Variants in BCKDHB observed in about 807,000 individuals in gnomAD.
BCKDHB encodes branched chain keto acid dehydrogenase E1 subunit beta.
BCKDHB carries 41 observed loss-of-function variants against 48.5 expected under a neutral mutation model. The ratio of observed to expected loss-of-function variants is 0.85; its 90% CI spans 0.66 to 1.10. The LOEUF (loss-of-function observed/expected upper bound fraction) is 1.10. Ranked by LOEUF, BCKDHB falls within the 50% of genes least tolerant of loss-of-function variation. BCKDHB has a pLI of 0.00. For synonymous variants in BCKDHB, 201 were observed against 174.8 expected (o/e 1.15, Z -1.18); for missense variants, 496 against 494.2 (o/e 1.00, Z -0.03).
chr6:80,130,928 T>C (rs2127729882), intron 3 of BCKDHB, among the ~76,000 whole-genome samples: 1 of 152,298 alleles, frequency 6.6e-6, no homozygotes, highest in East Asian at 1.9e-4. Context: ...CCTGACTCAG[T>C]GTAGTAGCAT....
chr6:80,323,036 A>AT (rs1399122316), intron 9 of BCKDHB, among the ~76,000 whole-genome samples: 1 of 152,022 alleles, frequency 6.6e-6, no homozygotes, highest in Non-Finnish European at 1.5e-5. Flanking sequence ...GACAGAGCTG[A>AT]TTTCAGATAC....
intron 8 of BCKDHB, 121 bp downstream of exon 8, chr6:80,203,333 C>G: frequency 1.3e-6 from 1 of 756,984 alleles, no homozygotes; most frequent in Non-Finnish European, 2.3e-6. Context: ...TGATTTAAAA[C>G]TTTTAAATTT....
In BCKDHB at chr6:80,288,778, A is replaced by AT. The variant is rs928301209; in HGVS notation, c.1038+15566dup. Among the ~76,000 whole-genome samples the AT allele has an allele frequency of 7.6e-4, 116 of 151,862 alleles. 2 individuals carry two copies. The highest frequency in any genetic ancestry group is 2.6e-3 in the African/African-American group (107 of 41,408). On this transcript the variant is annotated intron_variant, in intron 9 of 9. Transcript: ENST00000320393. ...ATAAATATATACCATATATATGTGT[A>AT]TTTTTTTTTCTTAAATACTGTGAAA...
chr6:80,161,535 C>T (rs541980318), intron 3 of BCKDHB, among the ~76,000 whole-genome samples: 6 of 152,126 alleles, frequency 3.9e-5, no homozygotes, highest in African/African-American at 1.4e-4. Context: ...GTCAGTGTGC[C>T]GGGTAAGTAA....
At chr6:80,187,594 A>G (rs149277333) in intron 6 of BCKDHB, among the ~76,000 whole-genome samples, 70 of 152,276 alleles carry the variant, frequency 4.6e-4, no homozygotes, top group African/African-American at 1.5e-3. Flanking sequence ...ACAAAGGTCT[A>G]ATATACAGAA....
chr6:80,192,523 A>G (rs1398812743), intron 6 of BCKDHB, among the ~76,000 whole-genome samples: 3 of 152,224 alleles, frequency 2.0e-5, no homozygotes, highest in African/African-American at 7.2e-5. Flanking sequence ...AACTGGTGAT[A>G]GGAGAACTTT....
At chr6:80,351,994 T>G in the BCKDHB span, among the ~76,000 whole-genome samples, 1 of 152,052 alleles carries the variant, frequency 6.6e-6, no homozygotes, top group Non-Finnish European at 1.5e-5. Flanking sequence ...ACTAATTTTG[T>G]ATTTTTAGTA....
chr6:80,450,331 C>CT, the BCKDHB span, among the ~76,000 whole-genome samples: 1 of 152,194 alleles, frequency 6.6e-6, no homozygotes, highest in South Asian at 2.1e-4. Flanking sequence ...CTTTTCTTTA[C>CT]TTTTTTTCTT....
At chr6:80,283,560 G>A (rs1181820119) in intron 9 of BCKDHB, among the ~76,000 whole-genome samples, 1 of 151,874 alleles carries the variant, frequency 6.6e-6, no homozygotes, top group Non-Finnish European at 1.5e-5. Context: ...TAGACTGAAT[G>A]GACTATTAAT....
the BCKDHB span, among the ~76,000 whole-genome samples, chr6:80,462,681 A>G: frequency 1.3e-5 from 2 of 152,194 alleles, no homozygotes; most frequent in African/African-American, 2.4e-5. Flanking sequence ...TAATCTCTGA[A>G]GCCAGGGAAA....
rs894052553 is a variant in BCKDHB at position 80,147,689 on chromosome 6, G to C, written c.343+18460G>C. Among the ~76,000 whole-genome samples, 4 of 152,114 alleles carry C rather than the reference G, an allele frequency of 2.6e-5. No individual in the cohort carries two copies. The South Asian group carries it at 6.2e-4, about 24-fold the overall frequency. ...CCCCTGGAATGCTTCTTAGATCATA[G>C]AATGCTGGATTTCACCCTCAAGATT... On this transcript the variant is annotated intron_variant, in intron 3 of 9. Coordinates refer to ENST00000320393, the MANE Select transcript of BCKDHB (RefSeq NM_183050.4).
At position 80,221,662 on chromosome 6, in the gene BCKDHB, A is replaced by G. The variant is rs1006981455; in HGVS notation, c.951+18450A>G. Among the ~76,000 whole-genome samples, 4 of 152,124 alleles carry G rather than the reference A, an allele frequency of 2.6e-5. No individual in the cohort carries two copies. In the East Asian group the frequency reaches 7.7e-4, roughly 29 times the overall value. On this transcript the variant is annotated intron_variant, in intron 8 of 9. Coordinates refer to ENST00000320393, the MANE Select transcript of BCKDHB (RefSeq NM_183050.4). The stretch of plus-strand genomic sequence containing the variant: ...GTCTAGAACGACTGAATGATGATGA[A>G]TGAAAAAAATGATAGCAGACATTAA...
the BCKDHB span, among the ~76,000 whole-genome samples, chr6:80,361,860 T>A: frequency 6.6e-6 from 1 of 152,006 alleles, no homozygotes; most frequent in Non-Finnish European, 1.5e-5. Flanking sequence ...GAAATGAGAA[T>A]AGGAGAGGAG....
chr6:80,331,365 A>G (rs183281104), intron 9 of BCKDHB, among the ~76,000 whole-genome samples: 9 of 152,352 alleles, frequency 5.9e-5, no homozygotes, highest in African/African-American at 2.2e-4. Flanking sequence ...TTCAGGGATG[A>G]CATTAAATAA....
At chr6:80,160,776 A>G (rs928972257) in intron 3 of BCKDHB, among the ~76,000 whole-genome samples, 8 of 152,264 alleles carry the variant, frequency 5.3e-5, no homozygotes, top group Non-Finnish European at 1.0e-4. Flanking sequence ...AGTCAAATAT[A>G]CAGTCAGCCA....
chr6:80,209,022 A>G (rs1774799497), intron 8 of BCKDHB, among the ~76,000 whole-genome samples: 1 of 151,936 alleles, frequency 6.6e-6, no homozygotes, highest in Admixed American at 6.6e-5. Context: ...TTCACAAAGC[A>G]GTTGATACAA....
intron 6 of BCKDHB, among the ~76,000 whole-genome samples, chr6:80,176,840 C>A (rs74558751): frequency 6.6e-6 from 1 of 151,974 alleles, no homozygotes; most frequent in Non-Finnish European, 1.5e-5. Context: ...GATAAAGCTC[C>A]GAGTAAAAGA....
chr6:80,349,122 G>A (rs1433871477), downstream of BCKDHB, among the ~76,000 whole-genome samples: 1 of 152,216 alleles, frequency 6.6e-6, no homozygotes, highest in Non-Finnish European at 1.5e-5. Flanking sequence ...AAAGACTGGA[G>A]TAGTAGATTT....
downstream of BCKDHB, among the ~76,000 whole-genome samples, chr6:80,349,917 A>G (rs1284175971): frequency 6.6e-6 from 1 of 152,190 alleles, no homozygotes; most frequent in Non-Finnish European, 1.5e-5. Context: ...ATAGTAGAAT[A>G]GAATCAATAG....
Sources: allele counts gnomAD v4.1 joint callset (sites outside exome capture counted in the v4.1 genomes callset), GRCh38; gene constraint gnomAD v4.1.1; transcripts MANE v1.5; gene names NCBI Gene and HGNC (gene_info 2026-07-23, HGNC 2026-07-21).